Variants in PCCB observed in about 807,000 individuals in gnomAD.
PCCB encodes the protein propionyl-CoA carboxylase subunit beta.
A neutral mutation model predicts 60.7 loss-of-function variants in PCCB; 43 were observed. The observed-to-expected ratio is 0.71, with a 90% CI of 0.55 to 0.91. The LOEUF (loss-of-function observed/expected upper bound fraction) is 0.91. Among genes scored for constraint, PCCB ranks in the 40% least tolerant of loss-of-function variants. PCCB has a pLI of 0.00. For missense variants in PCCB, 766 were observed against 702.8 expected, an observed-to-expected ratio of 1.09 and a Z score of -1.02; for synonymous variants, 276 against 255.9, an observed-to-expected ratio of 1.08 and a Z score of -0.75.
intron 6 of PCCB, among the ~76,000 whole-genome samples, chr3:136,290,843 G>A (rs1017104646): frequency 2.0e-5 from 3 of 150,334 alleles, no homozygotes; most frequent in Admixed American, 6.6e-5. Flanking sequence ...ATGTTACATC[G>A]TTTGTAATTT....
chr3:136,304,119 A>C lies in PCCB; in HGVS notation c.966+3008A>C, dbSNP rs1337583595. The stretch of plus-strand genomic sequence containing the variant: ...CTCACGAGGTCTTTGCTCTCAGTGC[A>C]TGCAGAAAGAGATCTCTGGTATCTC... On this transcript the variant is annotated intron_variant, in intron 9 of 14. Transcript: ENST00000251654. Among the ~76,000 whole-genome samples, 5 of 116,854 alleles carry C rather than the reference A, an allele frequency of 4.3e-5. 1 individual carries two copies. The highest frequency in any genetic ancestry group is 3.1e-4 in the Admixed American group (3 of 9,574). The allele number at this position is 116,854 out of a possible 152,430, so 76.7% of individuals were successfully genotyped here.
intron 10 of PCCB, among the ~76,000 whole-genome samples, chr3:136,320,638 TG>T (rs1175934643): frequency 6.6e-6 from 1 of 152,232 alleles, no homozygotes; most frequent in Non-Finnish European, 1.5e-5. Context: ...TCTGTGGACA[TG>T]GGGTATTTTC....
chr3:136,282,199 G>T (rs912689149), intron 5 of PCCB, among the ~76,000 whole-genome samples: 6 of 152,088 alleles, frequency 3.9e-5, no homozygotes, highest in South Asian at 2.1e-4. Context: ...GTTGGCTGGG[G>T]GATTATAGCA....
Position 136,250,663 on chromosome 3 carries a change from C to A in PCCB, c.183+105C>A, listed in dbSNP as rs532403026. On this transcript the variant is annotated intron_variant, in intron 1 of 14. Coordinates refer to ENST00000251654, the MANE Select transcript of PCCB (RefSeq NM_000532.5). ...GGCCTCCCTGCCAATCCGCACGGTGCCTGGAGGGGCCGGAGCAAGGGTGTT... is the reference window on the plus strand; with the variant it reads ...GGCCTCCCTGCCAATCCGCACGGTGACTGGAGGGGCCGGAGCAAGGGTGTT... 1.7e-4 allele frequency: 193 copies of A among 1,162,288 alleles called. 1 individual carries two copies. In the East Asian group the frequency reaches 4.9e-3, roughly 30 times the overall value. The allele number at this position is 1,162,288 out of a possible 1,614,324, so 72.0% of individuals were successfully genotyped here.
intron 3 of PCCB, among the ~76,000 whole-genome samples, chr3:136,257,577 T>C (rs746004882): frequency 5.9e-5 from 9 of 152,184 alleles, no homozygotes; most frequent in African/African-American, 1.7e-4. Flanking sequence ...TTGACTTTTT[T>C]CTCTCCAGAG....
At chr3:136,326,736 A>C (rs933545027) in intron 10 of PCCB, 67 bp from the exon 11 acceptor site, 1 of 1,111,174 alleles carries the variant, frequency 9.0e-7, no homozygotes, top group African/African-American at 1.5e-5. Flanking sequence ...GCTGAGGACA[A>C]ATCCCCATTG....
chr3:136,266,273 CAT>C lies in PCCB; in HGVS notation c.543+4209_543+4210del, dbSNP rs1319217652. ...CCTCCCGAGCAGCTGGGATTACAGG[CAT>C]GTGCCACCATGGCTGGCTAATTTTG... is the stretch of plus-strand genomic sequence containing the variant. On this transcript the variant is annotated intron_variant, in intron 5 of 14. Coordinates refer to ENST00000251654, the MANE Select transcript of PCCB (RefSeq NM_000532.5). Among the ~76,000 whole-genome samples, 31 of 152,060 alleles carry C rather than the reference CAT, an allele frequency of 2.0e-4. 1 individual carries two copies. Among genetic ancestry groups the C allele is most frequent in the Non-Finnish European group, 3.8e-4 (26 of 67,992 alleles).
intron 5 of PCCB, among the ~76,000 whole-genome samples, chr3:136,279,481 ATAAT>A (rs1204491216): frequency 1.1e-4 from 16 of 152,088 alleles, no homozygotes; most frequent in Admixed American, 1.0e-3. Context: ...CTTGGGGATT[ATAAT>A]TAATATCTTG....
intron 9 of PCCB, among the ~76,000 whole-genome samples, chr3:136,313,995 T>G (rs746639778): frequency 9.2e-5 from 14 of 151,974 alleles, no homozygotes; most frequent in Non-Finnish European, 1.2e-4. Flanking sequence ...AACTCATGGT[T>G]TTTCATATAG....
chr3:136,284,030 T>C, intron 6 of PCCB, 83 bp downstream of exon 6: 1 of 871,666 alleles, frequency 1.1e-6, no homozygotes, highest in Non-Finnish European at 1.9e-6. Context: ...CTGACCCAGA[T>C]CTAGGTTGTT....
intron 8 of PCCB, among the ~76,000 whole-genome samples, chr3:136,300,072 A>G (rs1576340581): frequency 6.8e-6 from 1 of 146,562 alleles, no homozygotes; most frequent in African/African-American, 2.7e-5. Flanking sequence ...ATCAACACAT[A>G]TATGCATATA....
intron 7 of PCCB, among the ~76,000 whole-genome samples, chr3:136,296,810 A>G (rs943210957): frequency 6.6e-6 from 1 of 152,250 alleles, no homozygotes; most frequent in African/African-American, 2.4e-5. Context: ...AAAATTTAAA[A>G]TAGAATAATA....
chr3:136,250,580 T>C (rs941240553), intron 1 of PCCB, 22 bp downstream of exon 1: 29 of 1,598,570 alleles, frequency 1.8e-5, no homozygotes, highest in Non-Finnish European at 2.3e-5. Context: ...GGGGCCTAAG[T>C]GAGTCCCGCC....
intron 9 of PCCB, among the ~76,000 whole-genome samples, chr3:136,313,838 A>T (rs903970445): frequency 1.3e-5 from 2 of 152,152 alleles, no homozygotes; most frequent in African/African-American, 4.8e-5. Flanking sequence ...TTTTCTCTGT[A>T]TTTGAGGATC....
chr3:136,281,023 T>C (rs1003751721), intron 5 of PCCB, among the ~76,000 whole-genome samples: 1 of 152,156 alleles, frequency 6.6e-6, no homozygotes, highest in African/African-American at 2.4e-5. Context: ...ATCAGTTGCA[T>C]GGGATCAGTT....
intron 1 of PCCB, among the ~76,000 whole-genome samples, chr3:136,254,531 T>TC (rs1941612554): frequency 7.3e-6 from 1 of 136,636 alleles, no homozygotes; most frequent in Non-Finnish European, 1.5e-5. Flanking sequence ...TTTTTTTTTT[T>TC]TTTTTTTTTT....
In PCCB at chr3:136,256,567, A is replaced by G; in HGVS notation, c.316A>G (p.Ser106Gly). 1 of 1,612,716 alleles carries G rather than the reference A, an allele frequency of 6.2e-7. No individual in the cohort carries two copies. Among genetic ancestry groups the G allele is most frequent in the Non-Finnish European group, 8.5e-7 (1 of 1,178,666 alleles). ...ATTTTTCTGGTAGTTTCCTGGAGAC[A>G]GCGTGGTCACTGGACGAGGCCGAAT... The part of the protein sequence containing the change: ...AADKNKFPGD[S>G]VVTGRGRING... Residue 106 changes from serine (S) to glycine (G), a missense_variant, in exon 3 of 15, where the codon AGC (serine) becomes GGC (glycine). Physicochemically the swap from Ser to Gly is moderately conservative, Grantham distance 56. Transcript: ENST00000251654.
At position 136,289,568 on chromosome 3, in the gene PCCB, T is replaced by C. The variant is rs143767645; in HGVS notation, c.655-4188T>C. Among the ~76,000 whole-genome samples the C allele has an allele frequency of 3.4e-3, 520 of 152,322 alleles. 3 individuals carry two copies. Among genetic ancestry groups the C allele is most frequent in the Non-Finnish European group, 6.2e-3 (423 of 68,032 alleles). On this transcript the variant is annotated intron_variant, in intron 6 of 14. Coordinates refer to ENST00000251654, the MANE Select transcript of PCCB (RefSeq NM_000532.5). ...GTAGACATCCCTTATAGTTGTGTCT[T>C]GTTTCTTGATCTAGTCTGACAATCC...
intron 5 of PCCB, among the ~76,000 whole-genome samples, chr3:136,269,459 A>G (rs1942128455): frequency 6.6e-6 from 1 of 152,114 alleles, no homozygotes; most frequent in African/African-American, 2.4e-5. Flanking sequence ...GATTTTCTAT[A>G]TACACAATCA....
Sources: allele counts gnomAD v4.1 joint callset (sites outside exome capture counted in the v4.1 genomes callset), GRCh38; gene constraint gnomAD v4.1.1; transcripts MANE v1.5; gene names NCBI Gene and HGNC (gene_info 2026-07-23, HGNC 2026-07-21).